CREB5: variants seen among roughly 807,000 people sequenced by gnomAD.
CREB5 encodes cyclic AMP-responsive element-binding protein 5.
Under a neutral mutation model 57.1 loss-of-function variants are expected in CREB5, and 19 were observed. The observed-to-expected ratio is 0.33, with a 90% CI of 0.23 to 0.49. The LOEUF is 0.49. CREB5 is among the 20% of genes least tolerant of loss of function. The pLI is 0.99. For synonymous variants in CREB5, 238 were observed against 238.3 expected, an observed-to-expected ratio of 1.00 and a Z score of 0.01; for missense variants, 579 against 671.6, an observed-to-expected ratio of 0.86 and a Z score of 1.52.
intron 4 of CREB5, among the ~76,000 whole-genome samples, chr7:28,533,166 A>G (rs1217788878): frequency 6.6e-6 from 1 of 152,110 alleles, no homozygotes; most frequent in Non-Finnish European, 1.5e-5. Context: ...ATATCGTACC[A>G]TTGCACTCCA....
chr7:28,584,729 T>C (rs954489921), intron 5 of CREB5, among the ~76,000 whole-genome samples: 2 of 151,766 alleles, frequency 1.3e-5, no homozygotes, highest in African/African-American at 2.4e-5. Flanking sequence ...AACGAATACA[T>C]GTGTCTCCAT....
chr7:28,803,822 T>A (rs752224855), intron 7 of CREB5, among the ~76,000 whole-genome samples: 3 of 151,840 alleles, frequency 2.0e-5, no homozygotes, highest in Non-Finnish European at 4.4e-5. Context: ...TGTTCAGTGC[T>A]ATCACCATAT....
In CREB5 at chr7:28,804,265, C is replaced by G. The variant is rs781517023; in HGVS notation, c.769C>G (p.His257Asp). The G allele has an allele frequency of 3.2e-5, 52 of 1,614,022 alleles. No homozygotes were observed. The highest frequency in any genetic ancestry group is 2.4e-5 in the Non-Finnish European group (28 of 1,180,038). ...MSNGNMNTMG[H>D]MMEMMGSRQD... ...AAATGGGAACATGAACACCATGGGA[C>G]ACATGATGGAGATGATGGGCTCCCG... Residue 257 changes from histidine to aspartate, a missense_variant, in exon 8 of 11, where the codon CAC becomes GAC. By Grantham distance (81) the His-to-Asp change is moderately conservative. Transcript: ENST00000357727.
chr7:28,465,027 C>T (rs1378062184), intron 1 of CREB5, among the ~76,000 whole-genome samples: 1 of 152,146 alleles, frequency 6.6e-6, no homozygotes, highest in Non-Finnish European at 1.5e-5. Flanking sequence ...TAGGGGTACT[C>T]CCATTCTCTC....
At chr7:28,403,591 G>C (rs745677219) in intron 1 of CREB5, among the ~76,000 whole-genome samples, 4 of 152,076 alleles carry the variant, frequency 2.6e-5, no homozygotes, top group Non-Finnish European at 4.4e-5. Flanking sequence ...AATTGGCCCT[G>C]ATCACACACC....
At chr7:28,352,060 T>G (rs943656593) in intron 1 of CREB5, among the ~76,000 whole-genome samples, 4 of 152,246 alleles carry the variant, frequency 2.6e-5, no homozygotes, top group Admixed American at 2.0e-4. Context: ...GGCTTAATAT[T>G]CTGTTATCAT....
At chr7:28,713,692 T>C (rs1802524296) in intron 5 of CREB5, among the ~76,000 whole-genome samples, 1 of 152,156 alleles carries the variant, frequency 6.6e-6, no homozygotes, top group Non-Finnish European at 1.5e-5. Context: ...ACATCTTGTT[T>C]TCAAGTCCTG....
intron 5 of CREB5, among the ~76,000 whole-genome samples, chr7:28,606,648 CTCTTT>C (rs1797140814): frequency 6.6e-6 from 1 of 152,050 alleles, no homozygotes; most frequent in African/African-American, 2.4e-5. Flanking sequence ...GCCCCTTTTC[CTCTTT>C]TCTTTTTAAT....
chr7:28,611,537 G>A (rs753169269), intron 5 of CREB5, among the ~76,000 whole-genome samples: 2 of 148,246 alleles, frequency 1.3e-5, no homozygotes, highest in Non-Finnish European at 3.0e-5. Context: ...GTGGTGGTGT[G>A]CCCCTGTAAT....
chr7:28,574,796 T>G (rs1421867150), intron 5 of CREB5, among the ~76,000 whole-genome samples: 1 of 152,212 alleles, frequency 6.6e-6, no homozygotes, highest in Admixed American at 6.5e-5. Flanking sequence ...CTCAGAAATA[T>G]GTTCAACAGA....
chr7:28,475,387 A>G (rs1489575585), intron 1 of CREB5, among the ~76,000 whole-genome samples: 1 of 149,652 alleles, frequency 6.7e-6, no homozygotes, highest in Non-Finnish European at 1.5e-5. Flanking sequence ...TCTGGGTAAC[A>G]TAGTGAGACC....
At chr7:28,367,784 G>C (rs1387374841) in intron 1 of CREB5, among the ~76,000 whole-genome samples, 1 of 152,020 alleles carries the variant, frequency 6.6e-6, no homozygotes, top group Admixed American at 6.6e-5. Context: ...CTCCAGCCTG[G>C]GTGACAGAGC....
At chr7:28,402,045 C>T (rs1474535285) in intron 1 of CREB5, among the ~76,000 whole-genome samples, 1 of 152,188 alleles carries the variant, frequency 6.6e-6, no homozygotes, top group African/African-American at 2.4e-5. Flanking sequence ...AAAAGTGTTC[C>T]TATTTCTCCA....
At chr7:28,385,205 G>C (rs2127996724) in intron 1 of CREB5, among the ~76,000 whole-genome samples, 1 of 152,242 alleles carries the variant, frequency 6.6e-6, no homozygotes, top group East Asian at 1.9e-4. Context: ...AAAGAGTATT[G>C]ATGTCCTCTG....
At chr7:28,456,980 AACATGGTGCTGTTAC>A (rs1294719172) in intron 1 of CREB5, among the ~76,000 whole-genome samples, 1 of 152,230 alleles carries the variant, frequency 6.6e-6, no homozygotes, top group Non-Finnish European at 1.5e-5. Context: ...GAAGCCCAAG[AACATGGTGCTGTTAC>A]ATTTTGGGGT....
intron 1 of CREB5, among the ~76,000 whole-genome samples, chr7:28,461,919 C>T (rs10240628): frequency 2.0e-5 from 3 of 152,026 alleles, no homozygotes; most frequent in South Asian, 2.1e-4. Context: ...ATATAATTCA[C>T]GTATCATACA....
intron 1 of CREB5, among the ~76,000 whole-genome samples, chr7:28,399,658 A>G (rs1012774693): frequency 1.3e-5 from 2 of 152,122 alleles, no homozygotes; most frequent in African/African-American, 4.8e-5. Context: ...TCTCACACCT[A>G]TAATCCCAGC....
chr7:28,809,249 G>C lies in CREB5; in HGVS notation c.1089G>C (p.Gly363=), dbSNP rs937671468. The C allele has an allele frequency of 3.1e-6, 5 of 1,614,156 alleles. No individual in the cohort carries two copies. Among genetic ancestry groups the C allele is most frequent in the Non-Finnish European group, 4.2e-6 (5 of 1,180,032 alleles). Residue 363 remains glycine (G), a synonymous_variant, in exon 9 of 11, where the codon GGG becomes GGC. Coordinates refer to ENST00000357727, the MANE Select transcript of CREB5 (RefSeq NM_182898.4). ...TQTIQPPQPT[G]GRRRRVVDED... is the part of the protein sequence containing the mutation. ...CAATACAGCCACCCCAGCCCACAGG[G>C]GGGCGCCGGCGAAGGGTGGTAGACG...
At chr7:28,497,507 T>G (rs543774362) in intron 3 of CREB5, among the ~76,000 whole-genome samples, 2 of 152,344 alleles carry the variant, frequency 1.3e-5, no homozygotes, top group South Asian at 4.1e-4. Context: ...TTTCTTTTGC[T>G]TTCTCATGGT....
Sources: allele counts gnomAD v4.1 joint callset (sites outside exome capture counted in the v4.1 genomes callset), GRCh38; gene constraint gnomAD v4.1.1; transcripts MANE v1.5; gene names NCBI Gene and HGNC (gene_info 2026-07-23, HGNC 2026-07-21).